EPS15: variants seen among roughly 807,000 people sequenced by gnomAD.
EPS15 encodes the protein epidermal growth factor receptor pathway substrate 15.
Under a neutral mutation model 113.8 loss-of-function variants are expected in EPS15, and 72 were observed. The observed-to-expected ratio is 0.63, with a 90% CI of 0.52 to 0.77. The LOEUF is 0.77. Ranked by LOEUF, EPS15 falls within the 30% of genes least tolerant of loss-of-function variation. The pLI is 0.00. For missense variants in EPS15, 1,048 were observed against 1,045.8 expected (o/e 1.00, Z -0.03); for synonymous variants, 344 against 363.4 (o/e 0.95, Z 0.61).
chr1:51,414,683 T>G (rs1484947739), intron 13 of EPS15, among the ~76,000 whole-genome samples: 4 of 152,142 alleles, frequency 2.6e-5, no homozygotes, highest in African/African-American at 7.2e-5. Flanking sequence ...TTTATCTACT[T>G]CATGTCTCTA....
At chr1:51,460,293 A>C (rs1004796323) in intron 8 of EPS15, among the ~76,000 whole-genome samples, 21 of 152,234 alleles carry the variant, frequency 1.4e-4, no homozygotes, top group African/African-American at 4.6e-4. Flanking sequence ...TCAAACCTTT[A>C]AGGAAGAGGT....
chr1:51,480,840 G>A (rs1314965969), intron 2 of EPS15, among the ~76,000 whole-genome samples: 1 of 152,222 alleles, frequency 6.6e-6, no homozygotes. Context: ...CTGACCAGAG[G>A]CTGTATATCT....
intron 11 of EPS15, among the ~76,000 whole-genome samples, chr1:51,441,030 C>T (rs529508349): frequency 6.6e-6 from 1 of 152,162 alleles, no homozygotes; most frequent in South Asian, 2.1e-4. Flanking sequence ...CCTGTCCATA[C>T]AGTTTTCTTT....
In EPS15 at chr1:51,448,075, C is replaced by A. The variant is rs776439762; in HGVS notation, c.622G>T (p.Ala208Ser). 11 of 1,613,662 alleles carry A rather than the reference C, an allele frequency of 6.8e-6. No individual in the cohort carries two copies. The African/African-American group carries it at 1.3e-4, about 20-fold the overall frequency. The change falls in exon 9 of 25, where the codon GCC becomes TCC. Residue 208 changes from alanine (A) to serine (S), a missense_variant. Transcript: ENST00000371733. ...TTTCTCTTAGATGGTGGCACCAAGG[C>A]TGGAGGCAAGGACATTGGCACAGGT... ...KEPVPMSLPP[A>S]LVPPSKRKTW...
At chr1:51,388,892 A>C (rs1371626471) in intron 21 of EPS15, among the ~76,000 whole-genome samples, 1 of 151,786 alleles carries the variant, frequency 6.6e-6, no homozygotes, top group African/African-American at 2.4e-5. Flanking sequence ...CAGAGGTACA[A>C]GGAGGAACTG....
At chr1:51,479,330 T>C (rs1406470690) in intron 2 of EPS15, among the ~76,000 whole-genome samples, 1 of 152,228 alleles carries the variant, frequency 6.6e-6, no homozygotes, top group African/African-American at 2.4e-5. Context: ...TTCTCTACGC[T>C]GTTTATTCTA....
At chr1:51,399,947 T>G (rs940307778) in intron 19 of EPS15, among the ~76,000 whole-genome samples, 1 of 152,190 alleles carries the variant, frequency 6.6e-6, no homozygotes, top group Admixed American at 6.5e-5. Flanking sequence ...GCAATTTTGA[T>G]AAAAGATACA....
At chr1:51,493,528 T>TTAAATAAATAAATAAATAAA (rs200731991) in intron 1 of EPS15, among the ~76,000 whole-genome samples, 1 of 133,406 alleles carries the variant, frequency 7.5e-6, no homozygotes, top group African/African-American at 2.8e-5. Context: ...CAGTCTCAAA[T>TTAAATAAATAAATAAATAAA]TAAATAAATA....
At chr1:51,403,610 A>T in intron 16 of EPS15, 78 bp from the exon 17 acceptor site, 1 of 687,904 alleles carries the variant, frequency 1.5e-6, no homozygotes, top group Non-Finnish European at 2.4e-6. Context: ...ATAACCAAAA[A>T]CTATTTAAAA....
At chr1:51,479,093 C>G (rs1643971324) in intron 2 of EPS15, among the ~76,000 whole-genome samples, 1 of 152,188 alleles carries the variant, frequency 6.6e-6, no homozygotes, top group South Asian at 2.1e-4. Flanking sequence ...TTCAGGTACA[C>G]CAATCAGACG....
chr1:51,360,554 GAAGT>G (rs1353858320), intron 24 of EPS15, among the ~76,000 whole-genome samples: 1 of 152,122 alleles, frequency 6.6e-6, no homozygotes. Context: ...GTAAACATGA[GAAGT>G]TAGTGAATTA....
intron 12 of EPS15, chr1:51,423,364 A>C (rs1650944172): frequency 9.1e-7 from 1 of 1,099,634 alleles, no homozygotes; most frequent in Non-Finnish European, 1.1e-6. Flanking sequence ...AATTAAGCAA[A>C]TTCAAGAAAT....
chr1:51,442,564 C>T (rs922181551), intron 11 of EPS15, among the ~76,000 whole-genome samples: 1 of 151,970 alleles, frequency 6.6e-6, no homozygotes. Context: ...TGTAGCATGT[C>T]CCCTTCTTTC....
chr1:51,476,172 T>C (rs1643897234), intron 2 of EPS15, among the ~76,000 whole-genome samples: 1 of 152,208 alleles, frequency 6.6e-6, no homozygotes. Flanking sequence ...GGGCTCATTT[T>C]TGAGCCAATG....
Position 51,445,002 on chromosome 1 carries a change from G to T in EPS15, c.841C>A (p.Gln281Lys). 1.2e-6 allele frequency: 2 copies of T among 1,613,934 alleles called. No individual in the cohort carries two copies. The highest frequency in any genetic ancestry group is 1.7e-6 in the Non-Finnish European group (2 of 1,179,888). Residue 281 changes from glutamine (Q) to lysine (K), a missense_variant, in exon 11 of 25, where the codon CAG becomes AAG. Coordinates refer to ENST00000371733, the MANE Select transcript of EPS15 (RefSeq NM_001981.3). ...TKDCGKLSKD[Q>K]FALAFHLISQ... ...ATTAAGTGAAAAGCCAAGGCAAACT[G>T]ATCCTTTGAAAGCTTCCCACAGTCC... is the stretch of plus-strand genomic sequence containing the variant.
intron 13 of EPS15, among the ~76,000 whole-genome samples, chr1:51,421,452 C>T (rs1360948304): frequency 1.3e-5 from 2 of 152,000 alleles, no homozygotes; most frequent in East Asian, 3.8e-4. Flanking sequence ...ATGATGATCT[C>T]ACTCTAATTT....
At chr1:51,386,236 T>C (rs1198555423) in intron 21 of EPS15, among the ~76,000 whole-genome samples, 1 of 152,192 alleles carries the variant, frequency 6.6e-6, no homozygotes, top group East Asian at 1.9e-4. Flanking sequence ...CTTCTGGAGC[T>C]TAATTTCTAA....
At chr1:51,440,287 G>A in intron 12 of EPS15, 60 bp downstream of exon 12, 1 of 617,300 alleles carries the variant, frequency 1.6e-6, no homozygotes, top group South Asian at 2.1e-5. Context: ...CTGTGTGTGT[G>A]TGTGTGTGTG....
chr1:51,444,848 T>C, intron 11 of EPS15, 41 bp downstream of exon 11: 1 of 1,571,320 alleles, frequency 6.4e-7, no homozygotes, highest in South Asian at 1.1e-5. Context: ...TATTGTTCCT[T>C]TGAAATTAAT....
Sources: allele counts gnomAD v4.1 joint callset (sites outside exome capture counted in the v4.1 genomes callset), GRCh38; gene constraint gnomAD v4.1.1; transcripts MANE v1.5; gene names NCBI Gene and HGNC (gene_info 2026-07-23, HGNC 2026-07-21).